The following MAP2K5 variants were observed in gnomAD, a reference collection of about 807,000 sequenced individuals.
The protein encoded by MAP2K5 is dual specificity mitogen-activated protein kinase kinase 5.
Under a neutral mutation model 83.1 loss-of-function variants are expected in MAP2K5, and 49 were observed. That is an observed-to-expected ratio of 0.59 (90% confidence interval 0.47 to 0.75). The LOEUF is 0.75. MAP2K5 is among the 30% of genes least tolerant of loss of function. The probability of loss-of-function intolerance (pLI) is 0.00; values close to 1 mark genes in which losing one functional copy is unlikely to be tolerated. For missense variants in MAP2K5, 457 were observed against 557.5 expected (o/e 0.82, Z 1.82); for synonymous variants, 202 against 191.8 (o/e 1.05, Z -0.44).
intron 21 of MAP2K5, among the ~76,000 whole-genome samples, chr15:67,799,510 C>T (rs184666608): frequency 6.6e-6 from 1 of 152,360 alleles, no homozygotes; most frequent in Admixed American, 6.5e-5. Flanking sequence ...CAGACAGCTG[C>T]CCTGTGTTCA....
chr15:67,730,317 G>A (rs910604388), intron 17 of MAP2K5, among the ~76,000 whole-genome samples: 2 of 152,094 alleles, frequency 1.3e-5, no homozygotes, highest in South Asian at 2.1e-4. Context: ...TTTGGCCCAC[G>A]TTATGTCATT....
Position 67,563,561 on chromosome 15 carries a change from A to G in MAP2K5, c.252+211A>G, listed in dbSNP as rs766661435. On this transcript the variant is annotated intron_variant, in intron 3 of 21. Coordinates refer to ENST00000178640, the MANE Select transcript of MAP2K5 (RefSeq NM_145160.3). This position sits in a 1 kb window ranked among gnomAD's most constrained non-coding sequence, Gnocchi z 4.5. The stretch of plus-strand genomic sequence containing the variant: ...GATCATATCATAAACATTAAGAATA[A>G]TGCATCTTAATGACTTTTGCATTAG... Among the ~76,000 whole-genome samples the G allele has an allele frequency of 5.3e-5, 8 of 152,212 alleles. No individual in the cohort carries two copies. The highest frequency in any genetic ancestry group is 1.0e-4 in the Non-Finnish European group (7 of 68,024).
chr15:67,748,394 GATTAGGTACC>G lies in MAP2K5; in HGVS notation c.1101+143_1101+152del. On this transcript the variant is annotated intron_variant, in intron 18 of 21. Transcript: ENST00000178640. The surrounding 1 kb of genome is among the most constrained non-coding windows in gnomAD (Gnocchi z 4.0). ...TGCAAACCTTTAACTGCCTGTATTAGATTAGGTACCATTAGAAATAATAGAACCTCCTGAG... is the reference window on the plus strand; with the variant it reads ...TGCAAACCTTTAACTGCCTGTATTAGATTAGAAATAATAGAACCTCCTGAG... 1.2e-6 allele frequency: 1 copy of G among 860,156 alleles called. No homozygotes were observed. The highest frequency in any genetic ancestry group is 1.9e-6 in the Non-Finnish European group (1 of 533,274). 53.3% of individuals were successfully genotyped at this position (860,156 alleles called of 1,614,324 possible).
rs183838181 is a variant in MAP2K5, at chr15:67,563,943, G to A, written c.252+593G>A. On this transcript the variant is annotated intron_variant, in intron 3 of 21. Transcript: ENST00000178640. This position sits in a 1 kb window ranked among gnomAD's most constrained non-coding sequence, Gnocchi z 4.5. ...GCGTTAACAGTTATCTGATACTGAA[G>A]TAAACAAGAGAAAAGGGCATATTTC... 6.6e-5 allele frequency among the ~76,000 whole-genome samples: 10 copies of A among 152,262 alleles called. No homozygotes were observed. The highest frequency in any genetic ancestry group is 2.4e-4 in the African/African-American group (10 of 41,524).
chr15:67,559,463 G>T lies in MAP2K5; in HGVS notation c.185-3820G>T, dbSNP rs575054192. On this transcript the variant is annotated intron_variant, in intron 2 of 21. Coordinates refer to ENST00000178640, the MANE Select transcript of MAP2K5 (RefSeq NM_145160.3). This position sits in a 1 kb window ranked among gnomAD's most constrained non-coding sequence, Gnocchi z 4.7. Reference sequence around the variant, plus strand: ...GTTTCTCTTCTTGGTTTTTCTTTTGGATTGCATGTTGCCTCAAATAAAATT... The same window carrying T: ...GTTTCTCTTCTTGGTTTTTCTTTTGTATTGCATGTTGCCTCAAATAAAATT... Among the ~76,000 whole-genome samples, 5 of 152,194 alleles carry T rather than the reference G, an allele frequency of 3.3e-5. No individual in the cohort carries two copies. The South Asian group carries it at 1.0e-3, about 32-fold the overall frequency.
chr15:67,621,093 G>T (rs188004955), intron 8 of MAP2K5, among the ~76,000 whole-genome samples: 4 of 152,218 alleles, frequency 2.6e-5, no homozygotes, highest in Admixed American at 2.6e-4. Flanking sequence ...AAATTGAAAG[G>T]AAAAGGGTAG....
chr15:67,604,479 T>G (rs981803924), intron 8 of MAP2K5, among the ~76,000 whole-genome samples: 3 of 152,224 alleles, frequency 2.0e-5, no homozygotes, highest in Non-Finnish European at 4.4e-5. Context: ...GTATGTGTTG[T>G]GGTTAAGTGT....
intron 11 of MAP2K5, among the ~76,000 whole-genome samples, chr15:67,655,856 G>A (rs372778032): frequency 5.3e-5 from 8 of 151,972 alleles, no homozygotes; most frequent in Middle Eastern, 3.4e-3. Flanking sequence ...GCATATGTCC[G>A]TATGCTGGAT....
intron 16 of MAP2K5, among the ~76,000 whole-genome samples, chr15:67,703,659 T>G (rs1201027012): frequency 1.3e-5 from 2 of 152,120 alleles, no homozygotes; most frequent in African/African-American, 4.8e-5. Context: ...AAATACAGAT[T>G]CTTCAACCCC....
chr15:67,583,909 G>A lies in MAP2K5; in HGVS notation c.323-1981G>A, dbSNP rs139846928. Among the ~76,000 whole-genome samples the A allele has an allele frequency of 8.4e-4, 127 of 152,030 alleles. 1 individual carries two copies. Among genetic ancestry groups the A allele is most frequent in the Middle Eastern group, 6.9e-3 (2 of 290 alleles). On this transcript the variant is annotated intron_variant, in intron 4 of 21. Transcript: ENST00000178640. Reference sequence around the variant, plus strand: ...CTACAGGCATGTGCCACCACGCTGGGCATTTTTTTTTAATTTTTTAATAGC... The same window carrying A: ...CTACAGGCATGTGCCACCACGCTGGACATTTTTTTTTAATTTTTTAATAGC...
rs575335189 is a variant in MAP2K5 at position 67,724,387 on chromosome 15, TTTTATTTA to T, written c.1045-3513_1045-3506del. Among the ~76,000 whole-genome samples the T allele has an allele frequency of 3.3e-5, 5 of 151,924 alleles. No individual in the cohort carries two copies. The highest frequency in any genetic ancestry group is 7.3e-5 in the African/African-American group (3 of 41,336). On this transcript the variant is annotated intron_variant, in intron 16 of 21. Coordinates refer to ENST00000178640, the MANE Select transcript of MAP2K5 (RefSeq NM_145160.3). The surrounding 1 kb of genome is among the most constrained non-coding windows in gnomAD (Gnocchi z 4.4). Reference sequence around the variant, plus strand: ...ACAGCCTCGTGGAGAACTCGTTCTTTTTTATTTATTTATTTATTTATTTTTTGAGTTAG... The same window carrying T: ...ACAGCCTCGTGGAGAACTCGTTCTTTTTTATTTATTTATTTTTTGAGTTAG...
At chr15:67,613,033 T>C (rs1385324720) in intron 8 of MAP2K5, among the ~76,000 whole-genome samples, 1 of 152,186 alleles carries the variant, frequency 6.6e-6, no homozygotes, top group African/African-American at 2.4e-5. Context: ...TCTACTGTTG[T>C]TCTGAGATGG....
At chr15:67,591,754 C>T (rs181322764) in intron 6 of MAP2K5, among the ~76,000 whole-genome samples, 14 of 152,056 alleles carry the variant, frequency 9.2e-5, no homozygotes, top group Non-Finnish European at 1.9e-4. Flanking sequence ...TAGATATTCA[C>T]GGGTATAACT....
chr15:67,739,462 ATTTTTTTTTTTTTTTTTTTTTTTTTT>A (rs1168539325), intron 17 of MAP2K5, among the ~76,000 whole-genome samples: 11 of 27,096 alleles, frequency 4.1e-4, no homozygotes, highest in African/African-American at 2.0e-3. Context: ...ATATATATAT[ATTTTTTTTTTTTTTTTTTTTTTTTTT>A]TTTTTTTTTT....
rs2088862852 is a variant in MAP2K5, at chr15:67,717,800, G to T, written c.1045-10116G>T. Among the ~76,000 whole-genome samples, 1 of 152,180 alleles carries T rather than the reference G, an allele frequency of 6.6e-6. No homozygotes were observed. The highest frequency in any genetic ancestry group is 2.4e-5 in the African/African-American group (1 of 41,432). On this transcript the variant is annotated intron_variant, in intron 16 of 21. Transcript: ENST00000178640. This position sits in a 1 kb window ranked among gnomAD's most constrained non-coding sequence, Gnocchi z 4.1. Reference sequence around the variant, plus strand: ...CTCTCCCATCTCCCCTTCATGGCTAGCTTAGACTTCCTTTGTGGTGCCTGG... The same window carrying T: ...CTCTCCCATCTCCCCTTCATGGCTATCTTAGACTTCCTTTGTGGTGCCTGG...
rs906757427 is a variant in MAP2K5 at position 67,573,288 on chromosome 15, A to C, written c.253-7466A>C. Among the ~76,000 whole-genome samples the C allele has an allele frequency of 1.3e-5, 2 of 152,198 alleles. No individual in the cohort carries two copies. The highest frequency in any genetic ancestry group is 2.9e-5 in the Non-Finnish European group (2 of 68,028). On this transcript the variant is annotated intron_variant, in intron 3 of 21. Coordinates refer to ENST00000178640, the MANE Select transcript of MAP2K5 (RefSeq NM_145160.3). This position sits in a 1 kb window ranked among gnomAD's most constrained non-coding sequence, Gnocchi z 4.2. The stretch of plus-strand genomic sequence containing the variant: ...GTAATTTATAAAGAAAAGAGGTTTA[A>C]TTGACACAGTTCTGCATGGCTGGGG...
At position 67,559,306 on chromosome 15, in the gene MAP2K5, G is replaced by T. The variant is rs1001274967; in HGVS notation, c.185-3977G>T. Among the ~76,000 whole-genome samples the T allele has an allele frequency of 2.0e-5, 3 of 152,142 alleles. No homozygotes were observed. The highest frequency in any genetic ancestry group is 2.9e-5 in the Non-Finnish European group (2 of 68,038). Reference sequence around the variant, plus strand: ...TTGTTTCTCTTGAAAGCCTTCTTGAGCCCCTGTCACTGCAGTGGGTGCTGT... The same window carrying T: ...TTGTTTCTCTTGAAAGCCTTCTTGATCCCCTGTCACTGCAGTGGGTGCTGT... On this transcript the variant is annotated intron_variant, in intron 2 of 21. Coordinates refer to ENST00000178640, the MANE Select transcript of MAP2K5 (RefSeq NM_145160.3). The surrounding 1 kb of genome is among the most constrained non-coding windows in gnomAD (Gnocchi z 4.7).
chr15:67,625,058 G>A (rs959887361), intron 8 of MAP2K5, among the ~76,000 whole-genome samples: 2 of 152,184 alleles, frequency 1.3e-5, no homozygotes, highest in African/African-American at 4.8e-5. Flanking sequence ...CTTCTGCTGT[G>A]AAAGAAGGGG....
At chr15:67,651,090 T>C (rs1249998639) in intron 11 of MAP2K5, among the ~76,000 whole-genome samples, 1 of 152,106 alleles carries the variant, frequency 6.6e-6, no homozygotes, top group Admixed American at 6.6e-5. Flanking sequence ...TGGTGGCACA[T>C]GCCTGTAATC....
Sources: allele counts gnomAD v4.1 joint callset (sites outside exome capture counted in the v4.1 genomes callset), GRCh38; gene constraint gnomAD v4.1.1; non-coding constraint Gnocchi (gnomAD v3.1); transcripts MANE v1.5; gene names NCBI Gene and HGNC (gene_info 2026-07-23, HGNC 2026-07-21).